The following TEX14 variants were observed in gnomAD, a reference collection of about 807,000 sequenced individuals.
TEX14 encodes the protein testis expressed 14, intercellular bridge forming factor.
Under a neutral mutation model 178.6 loss-of-function variants are expected in TEX14, and 168 were observed. The ratio of observed to expected loss-of-function variants is 0.94; its 90% CI spans 0.83 to 1.07. The LOEUF (loss-of-function observed/expected upper bound fraction) is 1.07, where lower values mean the gene tolerates loss of function less well. TEX14 is among the 50% of genes least tolerant of loss of function. The pLI, the probability that TEX14 is intolerant of heterozygous loss-of-function variation, is 0.00. For synonymous variants in TEX14, 626 were observed against 634.1 expected (o/e 0.99, Z 0.19); for missense variants, 1,730 against 1,753.6 (o/e 0.99, Z 0.24).
Position 58,598,972 on chromosome 17 carries a change from T to C in TEX14, c.2373A>G (p.Pro791=). The change falls in exon 14 of 32, where the codon CCA becomes CCG. Residue 791 remains proline (P), a synonymous_variant. Coordinates refer to ENST00000349033, the MANE Select transcript of TEX14 (RefSeq NM_031272.5). ...GGACAGGAGGAATATAGTTTAAAGA[T>C]GGAGGGCCCACGGCCAGAGGTAACT... ...AYKLPLAVGP[P]SLNYIPPVLQ... is the part of the protein sequence containing the mutation. The C allele has an allele frequency of 6.2e-7, 1 of 1,614,186 alleles. No homozygotes were observed. Among genetic ancestry groups the C allele is most frequent in the South Asian group, 1.1e-5 (1 of 91,082 alleles).
rs145550979 is a variant in TEX14 at position 58,558,029 on chromosome 17, A to G, written c.4268-179T>C. On this transcript the variant is annotated intron_variant, in intron 30 of 31. Coordinates refer to ENST00000349033, the MANE Select transcript of TEX14 (RefSeq NM_031272.5). ...CAATTAATGGGCTTCCCCTCCTAAC[A>G]TTCTATAGTTTTCTGCCACAGCAAT... Among the ~76,000 whole-genome samples, 344 of 152,314 alleles carry G rather than the reference A, an allele frequency of 2.3e-3. 2 individuals are homozygous for G. The highest frequency in any genetic ancestry group is 0.017 in the Middle Eastern group (5 of 294).
intron 5 of TEX14, among the ~76,000 whole-genome samples, chr17:58,621,384 CCTT>C (rs2045993405): frequency 6.6e-6 from 1 of 152,240 alleles, no homozygotes; most frequent in African/African-American, 2.4e-5. Flanking sequence ...GAGATGTTCT[CCTT>C]CTGCTAACCA....
In TEX14 at chr17:58,617,542, C is replaced by G; in HGVS notation, c.632G>C (p.Gly211Ala). 6.2e-7 allele frequency: 1 copy of G among 1,613,358 alleles called. No homozygotes were observed. The highest frequency in any genetic ancestry group is 8.5e-7 in the Non-Finnish European group (1 of 1,179,576). The change falls in exon 6 of 32, where the codon GGG (glycine) becomes GCG (alanine). Residue 211 changes from glycine to alanine, a missense_variant. By Grantham distance (60) the Gly-to-Ala change is moderately conservative (BLOSUM62 0). Coordinates refer to ENST00000349033, the MANE Select transcript of TEX14 (RefSeq NM_031272.5). ...SAQNIYSFGF[G>A]KFYLTGATQM... ...CTGTCAGTGGCAACCTCTTACCTTC[C>G]CAAAACCAAAGCTGTAGATATTTTG... is the stretch of plus-strand genomic sequence containing the variant.
chr17:58,668,719 A>C (rs1395606089), intron 1 of TEX14, among the ~76,000 whole-genome samples: 1 of 152,198 alleles, frequency 6.6e-6, no homozygotes, highest in East Asian at 1.9e-4. Context: ...CACACAGACA[A>C]GGGTGACATC....
intron 1 of TEX14, among the ~76,000 whole-genome samples, chr17:58,683,994 G>C (rs1273282644): frequency 6.6e-6 from 1 of 152,086 alleles, no homozygotes; most frequent in Non-Finnish European, 1.5e-5. Context: ...GAACCCGAGA[G>C]ACGGAGGTTG....
At chr17:58,664,894 G>C (rs1038615903) in intron 1 of TEX14, among the ~76,000 whole-genome samples, 1 of 152,162 alleles carries the variant, frequency 6.6e-6, no homozygotes, top group Admixed American at 6.5e-5. Flanking sequence ...AGGCCACCCT[G>C]GGTTCAGTGG....
intron 3 of TEX14, among the ~76,000 whole-genome samples, chr17:58,626,027 C>T (rs1450666106): frequency 6.6e-6 from 1 of 151,956 alleles, no homozygotes; most frequent in Non-Finnish European, 1.5e-5. Context: ...GGATTACAGG[C>T]GTGAGCCACT....
rs550282022 is a variant in TEX14, at chr17:58,564,891, C to T, written c.4042G>A (p.Asp1348Asn). ...TACCTCTCTGTGTCCTCTCCAAGATCTTCAGTTTCTTTGGACAAAAGCATA... is the reference window on the plus strand; with the variant it reads ...TACCTCTCTGTGTCCTCTCCAAGATTTTCAGTTTCTTTGGACAAAAGCATA... ...SSMLLSKETE[D>N]LGEDTERAHS... is the part of the protein sequence containing the mutation. Residue 1348 changes from aspartate to asparagine, a missense_variant, in exon 28 of 32, where the codon GAT becomes AAT. This residue lies in a region of TEX14 where 941 missense variants were observed against 1,072.4 expected (regional missense o/e 0.88). Transcript: ENST00000349033. 8.1e-6 allele frequency: 13 copies of T among 1,603,286 alleles called. No homozygotes were observed. In the East Asian group the frequency reaches 2.5e-4, roughly 31 times the overall value.
intron 10 of TEX14, among the ~76,000 whole-genome samples, chr17:58,610,220 C>G (rs927636600): frequency 1.3e-5 from 2 of 152,234 alleles, no homozygotes; most frequent in Non-Finnish European, 2.9e-5. Context: ...CCCTCCATAT[C>G]TATCCAGGCC....
chr17:58,616,830 A>G (rs2045883824), intron 6 of TEX14, among the ~76,000 whole-genome samples: 1 of 152,212 alleles, frequency 6.6e-6, no homozygotes, highest in Non-Finnish European at 1.5e-5. Flanking sequence ...AAGAAGTCAG[A>G]TGCCTCAAGT....
chr17:58,647,998 C>T (rs910476090), intron 2 of TEX14: 1 of 152,322 alleles, frequency 6.6e-6, no homozygotes, highest in Non-Finnish European at 1.5e-5. Flanking sequence ...GTACCCAGGC[C>T]GATTCCAATT....
At chr17:58,594,248 T>C (rs763095822) in intron 14 of TEX14, among the ~76,000 whole-genome samples, 7 of 152,004 alleles carry the variant, frequency 4.6e-5, no homozygotes, top group Non-Finnish European at 1.0e-4. Context: ...TTCCTGAGCA[T>C]TTTCCCCCTC....
At chr17:58,658,503 C>T (rs2143329246) in intron 1 of TEX14, among the ~76,000 whole-genome samples, 1 of 150,114 alleles carries the variant, frequency 6.7e-6, no homozygotes, top group Middle Eastern at 3.4e-3. Flanking sequence ...GATTCTCCTG[C>T]TTCAGCCTCC....
At chr17:58,632,408 C>T (rs1161893566) in intron 2 of TEX14, among the ~76,000 whole-genome samples, 2 of 152,126 alleles carry the variant, frequency 1.3e-5, no homozygotes, top group African/African-American at 2.4e-5. Context: ...CCCAGGGTGG[C>T]CTTGAACTCC....
intron 15 of TEX14, among the ~76,000 whole-genome samples, chr17:58,590,760 T>C (rs571050449): frequency 8.5e-5 from 13 of 152,142 alleles, no homozygotes; most frequent in Non-Finnish European, 1.5e-4. Flanking sequence ...TTGCCATGTT[T>C]CCCAGGGTAG....
chr17:58,559,994 T>A (rs1172696830), intron 29 of TEX14, among the ~76,000 whole-genome samples: 3 of 152,246 alleles, frequency 2.0e-5, no homozygotes, highest in African/African-American at 7.2e-5. Context: ...CTTATCTTCA[T>A]TTCCCGAAAC....
At chr17:58,607,103 G>C (rs2045627714) in intron 10 of TEX14, among the ~76,000 whole-genome samples, 1 of 151,120 alleles carries the variant, frequency 6.6e-6, no homozygotes, top group Admixed American at 6.6e-5. Flanking sequence ...TGCTATCCTT[G>C]ACAATGACAT....
At chr17:58,621,194 C>T (rs912962171) in intron 5 of TEX14, among the ~76,000 whole-genome samples, 4 of 152,190 alleles carry the variant, frequency 2.6e-5, no homozygotes, top group Admixed American at 6.5e-5. Context: ...GGCTGCCCAT[C>T]CAGCTGGCAG....
Position 58,569,135 on chromosome 17 carries a change from G to C in TEX14, c.3886+57C>G. The C allele has an allele frequency of 1.5e-6, 2 of 1,360,864 alleles. No homozygotes were observed. Among genetic ancestry groups the C allele is most frequent in the Non-Finnish European group, 2.1e-6 (2 of 953,184 alleles). The allele number at this position is 1,360,864 out of a possible 1,614,324, so 84.3% of individuals were successfully genotyped here. On this transcript the variant is annotated intron_variant, in intron 26 of 31. Transcript: ENST00000349033. The surrounding 1 kb of genome is among the most constrained non-coding windows in gnomAD (Gnocchi z 4.1). ...ACTTGAGACAAAGACACCATACTGT[G>C]GTCAGTGACATAACTAACAGGGCCG...
Sources: gnomAD v4.1 joint callset for allele counts (sites outside exome capture counted in the v4.1 genomes callset) on GRCh38, gnomAD v4.1.1 for gene constraint, gnomAD v4.1.1 regional missense constraint, Gnocchi (gnomAD v3.1) non-coding constraint, MANE v1.5 for transcripts, NCBI Gene and HGNC (gene_info 2026-07-23, HGNC 2026-07-21) for gene names.